The following ERCC8 variants were observed in gnomAD, a reference collection of about 807,000 sequenced individuals.
ERCC8 encodes DNA excision repair protein ERCC-8.
A neutral mutation model predicts 54.9 loss-of-function variants in ERCC8; 52 were observed. The observed-to-expected ratio is 0.95, with a 90% CI of 0.76 to 1.19. ERCC8 has a LOEUF of 1.19. Ranked by LOEUF, ERCC8 falls within the 50% of genes most tolerant of loss-of-function variation. The probability of loss-of-function intolerance (pLI) is 0.00; values close to 1 mark genes in which losing one functional copy is unlikely to be tolerated. For synonymous variants in ERCC8, 146 were observed against 157.2 expected, an observed-to-expected ratio of 0.93 and a Z score of 0.53; for missense variants, 514 against 466.1, an observed-to-expected ratio of 1.10 and a Z score of -0.95.
At chr5:60,881,804 T>C (rs545339198) in intron 11 of ERCC8, among the ~76,000 whole-genome samples, 1 of 152,334 alleles carries the variant, frequency 6.6e-6, no homozygotes, top group East Asian at 1.9e-4. Context: ...CCCCTTGTGC[T>C]TCCCAGGTGA....
At chr5:60,940,950 G>A (rs1461210124) in intron 1 of ERCC8, among the ~76,000 whole-genome samples, 1 of 152,122 alleles carries the variant, frequency 6.6e-6, no homozygotes, top group Non-Finnish European at 1.5e-5. Context: ...AACAAAACAA[G>A]CCAAAGCTGA....
chr5:60,886,213 T>C (rs948943866), intron 11 of ERCC8, among the ~76,000 whole-genome samples: 6 of 151,994 alleles, frequency 3.9e-5, no homozygotes, highest in African/African-American at 1.2e-4. Context: ...TACTGCTTGA[T>C]GTGAAAGTTA....
intron 7 of ERCC8, among the ~76,000 whole-genome samples, chr5:60,901,609 A>T (rs1262496301): frequency 6.6e-6 from 1 of 152,028 alleles, no homozygotes; most frequent in East Asian, 1.9e-4. Context: ...TACAAAGTTA[A>T]CTGTATTCAT....
chr5:60,942,524 C>T (rs1282561839), intron 1 of ERCC8, among the ~76,000 whole-genome samples: 3 of 151,894 alleles, frequency 2.0e-5, no homozygotes, highest in African/African-American at 7.3e-5. Context: ...TGTAATTATG[C>T]TGAGTGAAAG....
chr5:60,896,470 A>C (rs1236485705), intron 9 of ERCC8, among the ~76,000 whole-genome samples: 1 of 152,112 alleles, frequency 6.6e-6, no homozygotes, highest in Non-Finnish European at 1.5e-5. Context: ...TCCGCCTCCC[A>C]AAGTGCTGGG....
At chr5:60,925,221 G>A (rs1049822867) in intron 2 of ERCC8, among the ~76,000 whole-genome samples, 2 of 151,762 alleles carry the variant, frequency 1.3e-5, no homozygotes, top group Non-Finnish European at 2.9e-5. Context: ...AATTTTTTTT[G>A]GGGGGTAAGA....
Position 60,873,647 on chromosome 5 carries a change from G to C in ERCC8, c.*968C>G, listed in dbSNP as rs4647160. 1.3e-5 allele frequency among the ~76,000 whole-genome samples: 2 copies of C among 152,032 alleles called. No homozygotes were observed. The highest frequency in any genetic ancestry group is 2.9e-5 in the Non-Finnish European group (2 of 68,002). On this transcript the variant is annotated 3_prime_UTR_variant, in exon 12 of 12. Transcript: ENST00000676185. ...AGCTGAGATCAAAACACTGCACTCC[G>C]GCCTGAGCGACAGAGTGAAACTCCA...
intron 10 of ERCC8, among the ~76,000 whole-genome samples, chr5:60,889,186 G>A (rs1447882888): frequency 2.6e-5 from 4 of 152,218 alleles, no homozygotes; most frequent in African/African-American, 9.6e-5. Context: ...CGATGAAGGT[G>A]ATATGTGCCA....
At position 60,931,744 on chromosome 5, in the gene ERCC8, A is replaced by G. The variant is rs1330120105; in HGVS notation, c.78-2785T>C. Among the ~76,000 whole-genome samples, 5 of 152,004 alleles carry G rather than the reference A, an allele frequency of 3.3e-5. No individual in the cohort carries two copies. In the South Asian group the frequency reaches 6.2e-4, roughly 19 times the overall value. On this transcript the variant is annotated intron_variant, in intron 1 of 11. Coordinates refer to ENST00000676185, the MANE Select transcript of ERCC8 (RefSeq NM_000082.4). Reference sequence around the variant, plus strand: ...TCTGAAAATATTTTTCCATATGATCATTTTTCAAATTACAACAGAATATAT... The same window carrying G: ...TCTGAAAATATTTTTCCATATGATCGTTTTTCAAATTACAACAGAATATAT...
At chr5:60,904,681 T>G in intron 5 of ERCC8, 111 bp downstream of exon 5, 1 of 222,696 alleles carries the variant, frequency 4.5e-6, no homozygotes. Context: ...TATATATATA[T>G]ATAAAATTGT....
chr5:60,892,245 C>T lies in ERCC8; in HGVS notation c.844-1159G>A, dbSNP rs4647123. On this transcript the variant is annotated intron_variant, in intron 9 of 11. Transcript: ENST00000676185. ...AGATCTCCAATCTTATATACAGTAG[C>T]TTTATCTTCAATGGCATCTGCTATT... 627 of 548,404 alleles carry T rather than the reference C, an allele frequency of 1.1e-3. 10 individuals carry two copies. In the East Asian group the frequency reaches 0.026, roughly 23 times the overall value. 34.0% of individuals were successfully genotyped at this position (548,404 alleles called of 1,614,324 possible).
intron 3 of ERCC8, chr5:60,919,717 G>A (rs1749547483): frequency 6.6e-6 from 1 of 151,938 alleles, no homozygotes; most frequent in African/African-American, 2.4e-5. Flanking sequence ...AATTAAACTA[G>A]TGGAAAAATG....
intron 4 of ERCC8, among the ~76,000 whole-genome samples, chr5:60,916,155 T>A (rs1446844649): frequency 1.3e-5 from 2 of 152,066 alleles, no homozygotes; most frequent in African/African-American, 4.8e-5. Flanking sequence ...AAAAAACCAG[T>A]GCAAGATGTT....
chr5:60,943,381 G>A lies in ERCC8; in HGVS notation c.77+1551C>T, dbSNP rs146581468. Reference sequence around the variant, plus strand: ...TTTCAGTTACCACAGTTTATTAACCGTGAGAAATAGCATAAAAGTTTGCTA... The same window carrying A: ...TTTCAGTTACCACAGTTTATTAACCATGAGAAATAGCATAAAAGTTTGCTA... On this transcript the variant is annotated intron_variant, in intron 1 of 11. Transcript: ENST00000676185. Among the ~76,000 whole-genome samples, 8 of 152,254 alleles carry A rather than the reference G, an allele frequency of 5.3e-5. No individual in the cohort carries two copies. The South Asian group carries it at 6.2e-4, about 12-fold the overall frequency.
chr5:60,934,103 GA>G (rs1193709259), intron 1 of ERCC8, among the ~76,000 whole-genome samples: 3 of 152,138 alleles, frequency 2.0e-5, no homozygotes, highest in Non-Finnish European at 4.4e-5. Context: ...GGATACCCGG[GA>G]GTGGGAATGC....
chr5:60,879,816 T>A (rs1748146924), intron 11 of ERCC8, among the ~76,000 whole-genome samples: 1 of 152,218 alleles, frequency 6.6e-6, no homozygotes, highest in Admixed American at 6.5e-5. Flanking sequence ...TGACTCTTTA[T>A]CCAATTTGCC....
At chr5:60,876,460 C>A (rs1748011051) in intron 11 of ERCC8, among the ~76,000 whole-genome samples, 1 of 152,216 alleles carries the variant, frequency 6.6e-6, no homozygotes, top group Admixed American at 6.5e-5. Flanking sequence ...CCTACATGGA[C>A]TTCCACAATG....
At position 60,870,033 on chromosome 5, in the gene ERCC8, A is replaced by T. The variant is rs533028173; in HGVS notation, c.*4582T>A. On this transcript the variant is annotated 3_prime_UTR_variant, in exon 12 of 12. Transcript: ENST00000676185. ...ACAAATACCAGTTGAATAAACAATT[A>T]TTAAAAAGTTTCAAGTGGAAGCCTC... Among the ~76,000 whole-genome samples the T allele has an allele frequency of 1.3e-5, 2 of 152,348 alleles. No individual in the cohort carries two copies. Among genetic ancestry groups the T allele is most frequent in the South Asian group, 4.1e-4 (2 of 4,826 alleles).
At chr5:60,880,289 G>T (rs572744422) in intron 11 of ERCC8, among the ~76,000 whole-genome samples, 1 of 152,266 alleles carries the variant, frequency 6.6e-6, no homozygotes, top group East Asian at 1.9e-4. Flanking sequence ...CTCTCTGGCT[G>T]CCCTTAACAT....
Sources: gnomAD v4.1 joint callset for allele counts (sites outside exome capture counted in the v4.1 genomes callset) on GRCh38, gnomAD v4.1.1 for gene constraint, MANE v1.5 for transcripts, NCBI Gene and HGNC (gene_info 2026-07-23, HGNC 2026-07-21) for gene names.